The following MACROD2 variants were observed in gnomAD, a reference collection of about 807,000 sequenced individuals.
MACROD2 encodes the protein ADP-ribose glycohydrolase MACROD2.
MACROD2 carries 36 observed loss-of-function variants against 70.4 expected under a neutral mutation model. The observed-to-expected ratio is 0.51, with a 90% CI of 0.39 to 0.68. MACROD2 has a LOEUF of 0.68. Ranked by LOEUF, MACROD2 falls within the 30% of genes least tolerant of loss-of-function variation. The pLI, the probability that MACROD2 is intolerant of heterozygous loss-of-function variation, is 0.00. For synonymous variants in MACROD2, 172 were observed against 178.8 expected (o/e 0.96, Z 0.30); for missense variants, 496 against 538.4 (o/e 0.92, Z 0.78).
At chr20:15,501,750 A>G (rs183745321) in intron 8 of MACROD2, among the ~76,000 whole-genome samples, 2 of 152,346 alleles carry the variant, frequency 1.3e-5, no homozygotes, top group East Asian at 1.9e-4. Context: ...AAGCAAGTCA[A>G]TTTGAACATA....
At chr20:15,185,499 G>C (rs1262715463) in intron 5 of MACROD2, among the ~76,000 whole-genome samples, 1 of 152,132 alleles carries the variant, frequency 6.6e-6, no homozygotes, top group Non-Finnish European at 1.5e-5. Context: ...AAGTGGATCA[G>C]ATTAAGTTTC....
intron 4 of MACROD2, among the ~76,000 whole-genome samples, chr20:14,642,692 C>T (rs1985162699): frequency 6.6e-6 from 1 of 152,082 alleles, no homozygotes; most frequent in South Asian, 2.1e-4. Context: ...AGTGAGAACA[C>T]ACAATATTTA....
chr20:14,440,839 T>C (rs1225684679), intron 3 of MACROD2, among the ~76,000 whole-genome samples: 1 of 152,082 alleles, frequency 6.6e-6, no homozygotes, highest in East Asian at 1.9e-4. Context: ...TCAGAGTTCA[T>C]GGAGAAGATT....
At chr20:14,622,235 C>A (rs1408052578) in intron 4 of MACROD2, among the ~76,000 whole-genome samples, 2 of 151,768 alleles carry the variant, frequency 1.3e-5, no homozygotes, top group Non-Finnish European at 2.9e-5. Flanking sequence ...GTTTTATATC[C>A]CATGACATGA....
chr20:14,081,160 C>T (rs1397285065), intron 2 of MACROD2, among the ~76,000 whole-genome samples: 1 of 152,192 alleles, frequency 6.6e-6, no homozygotes, highest in Non-Finnish European at 1.5e-5. Context: ...TCAAATTGCT[C>T]ATCCCCCACC....
At chr20:15,509,241 C>G (rs1800371599) in intron 8 of MACROD2, among the ~76,000 whole-genome samples, 1 of 152,080 alleles carries the variant, frequency 6.6e-6, no homozygotes, top group African/African-American at 2.4e-5. Context: ...TACTGGAGGA[C>G]CATCAAAAGA....
intron 3 of MACROD2, among the ~76,000 whole-genome samples, chr20:14,418,865 G>A (rs6079429): frequency 0.12 from 17,993 of 151,940 alleles, 1,268 homozygotes; most frequent in East Asian, 0.27. Context: ...TTATTTGAAC[G>A]CTCCCTTCCT....
chr20:15,439,507 G>A (rs2046468146), intron 7 of MACROD2, among the ~76,000 whole-genome samples: 1 of 152,104 alleles, frequency 6.6e-6, no homozygotes, highest in Admixed American at 6.6e-5. Flanking sequence ...GTACTTTGGG[G>A]GTGCTCAGGA....
At chr20:15,780,471 C>T (rs2147037096) in intron 8 of MACROD2, among the ~76,000 whole-genome samples, 1 of 152,086 alleles carries the variant, frequency 6.6e-6, no homozygotes, top group South Asian at 2.1e-4. Flanking sequence ...CGGGAAGAGG[C>T]CCACCTTGCC....
intron 3 of MACROD2, among the ~76,000 whole-genome samples, chr20:14,230,027 A>G (rs1291180430): frequency 1.3e-5 from 2 of 152,340 alleles, no homozygotes; most frequent in Non-Finnish European, 2.9e-5. Flanking sequence ...AAACATGTAC[A>G]TACCTTAATT....
intron 4 of MACROD2, among the ~76,000 whole-genome samples, chr20:14,591,499 G>A (rs764460875): frequency 9.2e-5 from 14 of 152,166 alleles, no homozygotes; most frequent in Admixed American, 3.9e-4. Flanking sequence ...TTTTAAAAGC[G>A]ATTTCAGCTG....
chr20:14,128,850 G>A (rs1115801), intron 3 of MACROD2, among the ~76,000 whole-genome samples: 115,291 of 152,092 alleles, frequency 0.76, 43,816 homozygotes, highest in East Asian at 0.81. Context: ...CTGGATGACA[G>A]CATATCAATT....
intron 3 of MACROD2, among the ~76,000 whole-genome samples, chr20:14,272,922 T>A (rs1255569971): frequency 6.6e-6 from 1 of 151,890 alleles, no homozygotes; most frequent in African/African-American, 2.4e-5. Flanking sequence ...GGTAAAGGGA[T>A]CAATTCAACA....
chr20:15,010,870 T>C (rs2075077615), intron 5 of MACROD2, among the ~76,000 whole-genome samples: 1 of 152,192 alleles, frequency 6.6e-6, no homozygotes, highest in South Asian at 2.1e-4. Flanking sequence ...CTAAGAGCAC[T>C]ATGAGTTGGA....
intron 5 of MACROD2, among the ~76,000 whole-genome samples, chr20:14,734,758 C>G (rs2071642085): frequency 6.6e-6 from 1 of 152,026 alleles, no homozygotes; most frequent in South Asian, 2.1e-4. Context: ...ATACAGTAGT[C>G]AAAACAGCTT....
intron 8 of MACROD2, among the ~76,000 whole-genome samples, chr20:15,768,280 C>T (rs1337188150): frequency 2.0e-5 from 3 of 152,042 alleles, no homozygotes; most frequent in Non-Finnish European, 4.4e-5. Context: ...CCTATTACAC[C>T]CCTAGGCCAT....
chr20:14,315,702 A>G (rs1443538080), intron 3 of MACROD2, among the ~76,000 whole-genome samples: 1 of 152,258 alleles, frequency 6.6e-6, no homozygotes, highest in East Asian at 1.9e-4. Context: ...TTTCCATTAT[A>G]GACAAACAAA....
chr20:14,519,722 C>A (rs901908728), intron 4 of MACROD2, among the ~76,000 whole-genome samples: 4 of 152,076 alleles, frequency 2.6e-5, no homozygotes, highest in East Asian at 3.9e-4. Context: ...TGGGTATATA[C>A]CCAAAGGAAT....
rs1028052933 is a variant in MACROD2, at chr20:15,922,622, G to C, written c.776-10654G>C. 2.6e-5 allele frequency among the ~76,000 whole-genome samples: 4 copies of C among 152,324 alleles called. No homozygotes were observed. In the East Asian group the frequency reaches 7.7e-4, roughly 29 times the overall value. On this transcript the variant is annotated intron_variant, in intron 10 of 17. Transcript: ENST00000684519. The stretch of plus-strand genomic sequence containing the variant: ...AAAATACTCAGTGACAAAAGTCTCC[G>C]CTGGGGCAGTGCCTCCCCTGAGCAA...
Sources: gnomAD v4.1 joint callset for allele counts (sites outside exome capture counted in the v4.1 genomes callset) on GRCh38, gnomAD v4.1.1 for gene constraint, MANE v1.5 for transcripts, NCBI Gene and HGNC (gene_info 2026-07-23, HGNC 2026-07-21) for gene names.